WRN: variants seen among roughly 807,000 people sequenced by gnomAD.
The protein encoded by WRN is WRN RecQ like helicase.
Under a neutral mutation model 180.7 loss-of-function variants are expected in WRN, and 149 were observed. That is an observed-to-expected ratio of 0.82 (90% CI 0.72 to 0.94). The LOEUF is 0.94. Ranked by LOEUF, WRN falls within the 40% of genes least tolerant of loss-of-function variation. The probability of loss-of-function intolerance (pLI) is 0.00; values close to 1 mark genes in which losing one functional copy is unlikely to be tolerated. For missense variants in WRN, 1,661 were observed against 1,700.1 expected (o/e 0.98, Z 0.40); for synonymous variants, 548 against 568.9 (o/e 0.96, Z 0.52).
intron 1 of WRN, among the ~76,000 whole-genome samples, chr8:31,054,173 A>G (rs1812179633): frequency 6.6e-6 from 1 of 152,156 alleles, no homozygotes; most frequent in Non-Finnish European, 1.5e-5. Flanking sequence ...GCATGAACCC[A>G]ATGCATTTTA....
chr8:31,036,203 T>A (rs757937174), intron 1 of WRN, among the ~76,000 whole-genome samples: 1 of 152,272 alleles, frequency 6.6e-6, no homozygotes, highest in East Asian at 1.9e-4. Flanking sequence ...TTTCATTCTT[T>A]ATTATGGCTT....
At chr8:31,039,317 T>A (rs1240608249) in intron 1 of WRN, among the ~76,000 whole-genome samples, 1 of 152,194 alleles carries the variant, frequency 6.6e-6, no homozygotes, top group Non-Finnish European at 1.5e-5. Flanking sequence ...TATTTTATTC[T>A]TTTAGCTGCT....
At chr8:31,131,263 C>T (rs1214541450) in intron 23 of WRN, among the ~76,000 whole-genome samples, 2 of 150,226 alleles carry the variant, frequency 1.3e-5, no homozygotes, top group Non-Finnish European at 3.0e-5. Context: ...TCAAGCCATT[C>T]TCCTGCCTCA....
chr8:31,149,623 C>T (rs1045026135), intron 30 of WRN, among the ~76,000 whole-genome samples: 3 of 150,432 alleles, frequency 2.0e-5, no homozygotes, highest in African/African-American at 7.3e-5. Context: ...TACAGGTGCG[C>T]GCTGCCACCC....
At chr8:31,055,706 C>T (rs1321537781) in intron 1 of WRN, among the ~76,000 whole-genome samples, 2 of 151,734 alleles carry the variant, frequency 1.3e-5, no homozygotes, top group Admixed American at 1.3e-4. Context: ...TTCTCCCATT[C>T]TGTAGGTTGT....
chr8:31,165,373 A>G (rs1803813399), intron 33 of WRN, among the ~76,000 whole-genome samples: 1 of 152,076 alleles, frequency 6.6e-6, no homozygotes. Flanking sequence ...GGGAAAATTT[A>G]TATGGTCTTT....
chr8:31,130,013 A>G (rs7464089), intron 23 of WRN, among the ~76,000 whole-genome samples: 1 of 95,736 alleles, frequency 1.0e-5, no homozygotes, highest in Non-Finnish European at 2.2e-5. Context: ...TCAAAAAAAA[A>G]ACAAAACAAA....
At chr8:31,042,391 G>T (rs932906398) in intron 1 of WRN, among the ~76,000 whole-genome samples, 3 of 152,164 alleles carry the variant, frequency 2.0e-5, no homozygotes, top group Admixed American at 1.3e-4. Flanking sequence ...TGGTCATGGT[G>T]ATGATGATGG....
intron 11 of WRN, among the ~76,000 whole-genome samples, chr8:31,086,644 C>T (rs1813543136): frequency 1.3e-5 from 2 of 151,746 alleles, no homozygotes; most frequent in African/African-American, 4.8e-5. Context: ...CCAGCTTTTC[C>T]AGTTAGTATC....
At chr8:31,162,211 G>A (rs1455002322) in intron 33 of WRN, among the ~76,000 whole-genome samples, 1 of 151,958 alleles carries the variant, frequency 6.6e-6, no homozygotes, top group Non-Finnish European at 1.5e-5. Flanking sequence ...CAAACATATT[G>A]TACAGCTATA....
intron 30 of WRN, among the ~76,000 whole-genome samples, chr8:31,149,258 G>C (rs1296760466): frequency 6.6e-6 from 1 of 151,532 alleles, no homozygotes; most frequent in Non-Finnish European, 1.5e-5. Flanking sequence ...TTAGCCGGGC[G>C]TGGTGGCGGG....
At chr8:31,123,882 A>C (rs886165299) in intron 21 of WRN, among the ~76,000 whole-genome samples, 1 of 152,168 alleles carries the variant, frequency 6.6e-6, no homozygotes, top group Non-Finnish European at 1.5e-5. Context: ...TTTAAAAAAC[A>C]AACACCTCCT....
intron 7 of WRN, among the ~76,000 whole-genome samples, chr8:31,072,890 G>A (rs1812964128): frequency 6.6e-6 from 1 of 152,170 alleles, no homozygotes; most frequent in Non-Finnish European, 1.5e-5. Flanking sequence ...CAGGATTAGA[G>A]GGAAGAAAGT....
intron 22 of WRN, 84 bp downstream of exon 22, chr8:31,124,707 G>A (rs1177497815): frequency 7.3e-7 from 1 of 1,376,138 alleles, no homozygotes; most frequent in African/African-American, 1.4e-5. Flanking sequence ...ATAATTATCA[G>A]TATTTTGAAA....
chr8:31,086,137 T>C (rs1813520781), intron 11 of WRN, among the ~76,000 whole-genome samples: 1 of 152,110 alleles, frequency 6.6e-6, no homozygotes, highest in African/African-American at 2.4e-5. Context: ...AAGTAAAAAA[T>C]GAAGAAAAAC....
intron 8 of WRN, among the ~76,000 whole-genome samples, chr8:31,077,508 C>T (rs1223725594): frequency 2.6e-5 from 4 of 152,174 alleles, no homozygotes; most frequent in East Asian, 1.9e-4. Context: ...TCCCAAAGTG[C>T]TGGGATTACA....
At position 31,120,260 on chromosome 8, in the gene WRN, A is replaced by G. The variant is rs1585483085; in HGVS notation, c.2466A>G (p.Ile822Met). ...RDEIQCVIAT[I>M]AFGMGINKAD... ...GTTCTCAGTGTGTCATAGCTACCATAGCTTTTGGAATGGGCATTAATAAAG... is the reference window on the plus strand; with the variant it reads ...GTTCTCAGTGTGTCATAGCTACCATGGCTTTTGGAATGGGCATTAATAAAG... The change falls in exon 21 of 35, where the codon ATA becomes ATG. Residue 822 changes from isoleucine to methionine, a missense_variant. By Grantham distance (10) the Ile-to-Met change is conservative. Coordinates refer to ENST00000298139, the MANE Select transcript of WRN (RefSeq NM_000553.6). 3 of 1,612,746 alleles carry G rather than the reference A, an allele frequency of 1.9e-6. No homozygotes were observed. Among genetic ancestry groups the G allele is most frequent in the Non-Finnish European group, 2.5e-6 (3 of 1,178,914 alleles).
At chr8:31,129,587 TTAAA>T (rs200090719) in intron 23 of WRN, among the ~76,000 whole-genome samples, 3,394 of 152,148 alleles carry the variant, frequency 0.022, 57 homozygotes, top group African/African-American at 0.044. Context: ...AAAATAACAC[TTAAA>T]TAATTCATAT....
chr8:31,044,557 A>G (rs1371590751), intron 1 of WRN, among the ~76,000 whole-genome samples: 1 of 151,790 alleles, frequency 6.6e-6, no homozygotes, highest in South Asian at 2.1e-4. Flanking sequence ...GGGTTTTACC[A>G]TGGTGGTCAG....
Sources: allele counts gnomAD v4.1 joint callset (sites outside exome capture counted in the v4.1 genomes callset), GRCh38; gene constraint gnomAD v4.1.1; transcripts MANE v1.5; gene names NCBI Gene and HGNC (gene_info 2026-07-23, HGNC 2026-07-21).